The following TRDN variants were observed in gnomAD, a reference collection of about 807,000 sequenced individuals.
TRDN encodes triadin in skeletal muscle.
Under a neutral mutation model 149.7 loss-of-function variants are expected in TRDN, and 161 were observed. The observed-to-expected ratio is 1.08, with a 90% confidence interval of 0.95 to 1.23. The LOEUF (loss-of-function observed/expected upper bound fraction) is 1.23. TRDN is among the 50% of genes most tolerant of loss of function. The pLI is 0.00. For synonymous variants in TRDN, 294 were observed against 250.5 expected, an observed-to-expected ratio of 1.17 and a Z score of -1.64; for missense variants, 896 against 823.5, an observed-to-expected ratio of 1.09 and a Z score of -1.08.
At chr6:123,407,565 C>A (rs565002142) in intron 12 of TRDN, among the ~76,000 whole-genome samples, 23 of 152,236 alleles carry the variant, frequency 1.5e-4, no homozygotes, top group Admixed American at 1.4e-3. Flanking sequence ...CTAAGCTGCA[C>A]ACTCCCATAA....
intron 8 of TRDN, among the ~76,000 whole-genome samples, chr6:123,497,886 T>G (rs750163572): frequency 6.6e-6 from 1 of 152,188 alleles, no homozygotes; most frequent in Non-Finnish European, 1.5e-5. Context: ...CTTATGATCT[T>G]GACTAGTTTA....
At chr6:123,358,634 T>TTTTGGTATTG (rs1554227887) in intron 20 of TRDN, among the ~76,000 whole-genome samples, 1 of 24,172 alleles carries the variant, frequency 4.1e-5, no homozygotes, top group Non-Finnish European at 7.6e-5. Flanking sequence ...CTGGCTAATT[T>TTTTGGTATTG]TTTTGTATTG....
intron 1 of TRDN, among the ~76,000 whole-genome samples, chr6:123,595,816 T>C (rs978904112): frequency 2.6e-5 from 4 of 152,110 alleles, no homozygotes; most frequent in African/African-American, 4.8e-5. Flanking sequence ...ACTTGATTGA[T>C]AAATGTTGTG....
intron 24 of TRDN, among the ~76,000 whole-genome samples, chr6:123,281,726 T>C (rs1011749094): frequency 6.6e-6 from 1 of 152,096 alleles, no homozygotes; most frequent in Non-Finnish European, 1.5e-5. Context: ...TAAAACCAAG[T>C]TGTGATAAAC....
Position 123,218,886 on chromosome 6 carries a change from T to G in TRDN, c.2051-146A>C, listed in dbSNP as rs1174086590. On this transcript the variant is annotated intron_variant, in intron 40 of 40. Coordinates refer to ENST00000334268, the MANE Select transcript of TRDN (RefSeq NM_006073.4). ...GCAAGTTACTAAACTTCACTGTGTC[T>G]TGGAGTCTTTATGTATAACATCAAA... 4 of 786,234 alleles carry G rather than the reference T, an allele frequency of 5.1e-6. No homozygotes were observed. The African/African-American group carries it at 5.3e-5, about 10-fold the overall frequency. 48.7% of individuals were successfully genotyped at this position (786,234 alleles called of 1,614,324 possible).
intron 7 of TRDN, 71 bp downstream of exon 7, chr6:123,512,228 ACTAT>A (rs1343058725): frequency 5.0e-5 from 42 of 846,798 alleles, no homozygotes; most frequent in Non-Finnish European, 6.1e-5. Flanking sequence ...CAAATATCCA[ACTAT>A]CTGTTACCCA....
rs2114626005 is a variant in TRDN, at chr6:123,278,288, CATATATGTGT to C, written c.1567+20_1567+29del. ...TGCTATTTATTCTAAACATGGAAAT[CATATATGTGT>C]ATAAATAAAATATACATACCTGGCT... On this transcript the variant is annotated intron_variant, in intron 26 of 40. Transcript: ENST00000334268. 2 of 1,250,220 alleles carry C rather than the reference CATATATGTGT, an allele frequency of 1.6e-6. No individual in the cohort carries two copies. Among genetic ancestry groups the C allele is most frequent in the Admixed American group, 3.0e-5 (1 of 33,480 alleles). The allele number at this position is 1,250,220 out of a possible 1,614,324, so 77.4% of individuals were successfully genotyped here. A position where few individuals can be genotyped will look rare whatever the true frequency, so the allele number is the denominator to read the frequency against.
intron 38 of TRDN, among the ~76,000 whole-genome samples, chr6:123,234,789 T>C (rs1472263092): frequency 2.0e-5 from 3 of 152,052 alleles, no homozygotes; most frequent in Non-Finnish European, 1.5e-5. Context: ...GACCCTTCTG[T>C]CCCAGGGAAA....
chr6:123,621,776 TA>T (rs1459253712), intron 1 of TRDN, among the ~76,000 whole-genome samples: 53 of 152,192 alleles, frequency 3.5e-4, no homozygotes, highest in African/African-American at 1.2e-3. Context: ...AGAAAACCAT[TA>T]CCAAAAAAGC....
At chr6:123,524,467 T>C (rs4998058) in intron 5 of TRDN, among the ~76,000 whole-genome samples, 118,438 of 151,984 alleles carry the variant, frequency 0.78, 47,472 homozygotes, top group East Asian at 0.89. Flanking sequence ...AGGATATTCA[T>C]GACATTCTTA....
chr6:123,603,148 T>A (rs966437007), intron 1 of TRDN, among the ~76,000 whole-genome samples: 9 of 38,156 alleles, frequency 2.4e-4, no homozygotes, highest in Non-Finnish European at 6.1e-4. Context: ...AGTATTTATT[T>A]TTACTTTTTT....
intron 12 of TRDN, among the ~76,000 whole-genome samples, chr6:123,427,854 T>C (rs1189618018): frequency 2.6e-5 from 4 of 152,188 alleles, no homozygotes; most frequent in Admixed American, 2.0e-4. Context: ...GATTTAATTC[T>C]TTACTACACA....
chr6:123,465,089 A>C, intron 9 of TRDN, 106 bp from the exon 10 acceptor site: 1 of 1,202,164 alleles, frequency 8.3e-7, no homozygotes, highest in Non-Finnish European at 1.1e-6. Context: ...TCATAATACC[A>C]AGCCAAGTAT....
intron 24 of TRDN, among the ~76,000 whole-genome samples, chr6:123,304,440 G>A (rs1318592327): frequency 2.0e-5 from 3 of 151,674 alleles, no homozygotes; most frequent in African/African-American, 7.3e-5. Context: ...TTTTAGTACA[G>A]ATGCAGTTTC....
intron 14 of TRDN, among the ~76,000 whole-genome samples, chr6:123,388,129 A>C (rs937949259): frequency 3.3e-5 from 5 of 152,140 alleles, no homozygotes; most frequent in Admixed American, 3.3e-4. Context: ...AAAACAGATA[A>C]AAAGCTTAAA....
At chr6:123,358,514 G>T (rs1157751245) in intron 20 of TRDN, among the ~76,000 whole-genome samples, 1 of 151,946 alleles carries the variant, frequency 6.6e-6, no homozygotes, top group African/African-American at 2.4e-5. Flanking sequence ...GCCCAGGCTG[G>T]AGTGTAATGG....
At chr6:123,470,996 A>C (rs1021162731) in intron 9 of TRDN, 1 of 152,168 alleles carries the variant, frequency 6.6e-6, no homozygotes, top group Non-Finnish European at 1.5e-5. Context: ...GAGCAGAGAC[A>C]AAAAAATAGC....
chr6:123,337,400 T>C (rs1779912002), intron 22 of TRDN, among the ~76,000 whole-genome samples: 1 of 152,012 alleles, frequency 6.6e-6, no homozygotes, highest in Non-Finnish European at 1.5e-5. Flanking sequence ...CTTTTCTCTT[T>C]GGGATTTTTG....
chr6:123,446,873 C>G (rs1403947921), intron 10 of TRDN, among the ~76,000 whole-genome samples: 1 of 145,266 alleles, frequency 6.9e-6, no homozygotes, highest in Non-Finnish European at 1.5e-5. Flanking sequence ...AGGGAGAAGA[C>G]TTAGGGAAAA....
Sources: gnomAD v4.1 joint callset for allele counts (sites outside exome capture counted in the v4.1 genomes callset) on GRCh38, gnomAD v4.1.1 for gene constraint, MANE v1.5 for transcripts, NCBI Gene and HGNC (gene_info 2026-07-23, HGNC 2026-07-21) for gene names.